ADGRB3: variants seen among roughly 807,000 people sequenced by gnomAD.
ADGRB3 encodes the protein adhesion G protein-coupled receptor B3.
Under a neutral mutation model 193.4 loss-of-function variants are expected in ADGRB3, and 37 were observed. That is an observed-to-expected ratio of 0.19 (90% CI 0.15 to 0.25). ADGRB3 has a LOEUF of 0.25. Among genes scored for constraint, ADGRB3 ranks in the 10% least tolerant of loss-of-function variants. ADGRB3 has a pLI of 1.00. For missense variants in ADGRB3, 1,637 were observed against 1,852.9 expected (o/e 0.88, Z 2.14); for synonymous variants, 690 against 644.2 (o/e 1.07, Z -1.08).
At position 69,215,453 on chromosome 6, in the gene ADGRB3, C is replaced by CGTGT. The variant is rs10651298; in HGVS notation, c.2481-17810_2481-17807dup. On this transcript the variant is annotated intron_variant, in intron 17 of 31. Transcript: ENST00000370598. ...GAAAAGATGACAAAATGAACAGAAA[C>CGTGT]GTGTGTGTGTGTGTGTGTGTGTGTG... Among the ~76,000 whole-genome samples, 369 of 146,690 alleles carry CGTGT rather than the reference C, an allele frequency of 2.5e-3. 3 individuals are homozygous for CGTGT. Among genetic ancestry groups the CGTGT allele is most frequent in the South Asian group, 3.6e-3 (16 of 4,436 alleles).
chr6:69,093,197 G>C (rs951741169), intron 17 of ADGRB3, among the ~76,000 whole-genome samples: 1 of 151,272 alleles, frequency 6.6e-6, no homozygotes, highest in African/African-American at 2.4e-5. Context: ...GGAGAGAAGG[G>C]TGGGCAAAAC....
At chr6:69,062,050 C>T (rs1010759123) in intron 15 of ADGRB3, among the ~76,000 whole-genome samples, 2 of 151,772 alleles carry the variant, frequency 1.3e-5, no homozygotes, top group Non-Finnish European at 1.5e-5. Context: ...TAGTACATGA[C>T]CGATGGAAGA....
intron 3 of ADGRB3, among the ~76,000 whole-genome samples, chr6:68,831,658 G>T (rs1767959349): frequency 6.6e-6 from 1 of 151,974 alleles, no homozygotes; most frequent in African/African-American, 2.4e-5. Context: ...AGGAGAGGTA[G>T]TAAGAAAACC....
At chr6:68,677,789 TAGAG>T (rs1415278980) in intron 3 of ADGRB3, among the ~76,000 whole-genome samples, 1 of 152,048 alleles carries the variant, frequency 6.6e-6, no homozygotes, top group African/African-American at 2.4e-5. Context: ...TAATTTTTCA[TAGAG>T]AGGGAGTTTC....
rs778148344 is a variant in ADGRB3 at position 69,048,251 on chromosome 6, G to A, written c.2174G>A (p.Arg725Gln). The part of the protein sequence containing the change: ...LTDINFPMKG[R>Q]KGMVDWARNS... ...GACATCAACTTTCCAATGAAAGGACGGAAGGGAATGGTTGACTGGGCAAGA... is the reference window on the plus strand; with the variant it reads ...GACATCAACTTTCCAATGAAAGGACAGAAGGGAATGGTTGACTGGGCAAGA... Residue 725 changes from arginine (R) to glutamine (Q), a missense_variant, in exon 14 of 32, where the codon CGG becomes CAG. Transcript: ENST00000370598. 5.0e-6 allele frequency: 8 copies of A among 1,613,502 alleles called. No individual in the cohort carries two copies. Among genetic ancestry groups the A allele is most frequent in the East Asian group, 2.2e-5 (1 of 44,798 alleles).
intron 3 of ADGRB3, among the ~76,000 whole-genome samples, chr6:68,653,570 AT>A (rs1181230745): frequency 1.3e-5 from 2 of 152,102 alleles, no homozygotes; most frequent in African/African-American, 4.8e-5. Context: ...ATCAAAAATG[AT>A]CTTGTTTTAG....
intron 6 of ADGRB3, 144 bp downstream of exon 6, chr6:68,944,138 G>A: frequency 1.2e-6 from 1 of 836,422 alleles, no homozygotes; most frequent in Non-Finnish European, 1.8e-6. Context: ...CTAAAACTGG[G>A]TACTTTTCTT....
intron 3 of ADGRB3, among the ~76,000 whole-genome samples, chr6:68,785,469 C>T (rs557343626): frequency 3.9e-4 from 60 of 151,908 alleles, no homozygotes; most frequent in African/African-American, 1.4e-3. Flanking sequence ...ATCCATGTCC[C>T]TACAAAGGAC....
chr6:69,142,820 C>T (rs551158828), intron 17 of ADGRB3, among the ~76,000 whole-genome samples: 101 of 152,198 alleles, frequency 6.6e-4, no homozygotes, highest in African/African-American at 2.4e-3. Context: ...TAGGTCTCTT[C>T]GTATGGGAGT....
chr6:69,185,478 C>T (rs1765047636), intron 17 of ADGRB3, among the ~76,000 whole-genome samples: 2 of 152,126 alleles, frequency 1.3e-5, no homozygotes, highest in South Asian at 2.1e-4. Flanking sequence ...CAGCACAGAA[C>T]AGAACATGGC....
chr6:69,177,507 C>T (rs1340695070), intron 17 of ADGRB3, among the ~76,000 whole-genome samples: 3 of 152,116 alleles, frequency 2.0e-5, no homozygotes, highest in Admixed American at 6.5e-5. Flanking sequence ...CAGGTGCCTG[C>T]CACCATGCCT....
chr6:68,808,197 A>G (rs948594652), intron 3 of ADGRB3, among the ~76,000 whole-genome samples: 3 of 152,206 alleles, frequency 2.0e-5, no homozygotes, highest in Non-Finnish European at 4.4e-5. Flanking sequence ...AAATGTTCCT[A>G]CACAATAGAT....
At chr6:68,750,326 T>C (rs1420876478) in intron 3 of ADGRB3, among the ~76,000 whole-genome samples, 1 of 152,170 alleles carries the variant, frequency 6.6e-6, no homozygotes, top group Non-Finnish European at 1.5e-5. Flanking sequence ...TTACAATCTA[T>C]GTGACTCGGG....
chr6:69,082,345 C>T (rs146445314), intron 17 of ADGRB3, among the ~76,000 whole-genome samples: 1 of 152,072 alleles, frequency 6.6e-6, no homozygotes, highest in African/African-American at 2.4e-5. Flanking sequence ...TCAATATCTC[C>T]ATTAGTTCTG....
intron 3 of ADGRB3, among the ~76,000 whole-genome samples, chr6:68,674,343 A>G (rs1769034045): frequency 6.6e-6 from 1 of 152,224 alleles, no homozygotes; most frequent in African/African-American, 2.4e-5. Context: ...TTGTAAGACA[A>G]TAGAAGGGAA....
At chr6:69,333,126 T>TGTCC (rs1768762817) in intron 24 of ADGRB3, 118 bp downstream of exon 24, 1 of 1,096,332 alleles carries the variant, frequency 9.1e-7, no homozygotes, top group Non-Finnish European at 1.3e-6. Context: ...TGTACTAGTG[T>TGTCC]GTCCAGTAGA....
chr6:68,743,027 C>T (rs908172401), intron 3 of ADGRB3, among the ~76,000 whole-genome samples: 2 of 152,072 alleles, frequency 1.3e-5, no homozygotes, highest in South Asian at 2.1e-4. Flanking sequence ...ACTAGGCATG[C>T]GTATACGTTT....
intron 13 of ADGRB3, among the ~76,000 whole-genome samples, chr6:69,041,950 A>C (rs1300228222): frequency 6.6e-6 from 1 of 152,094 alleles, no homozygotes. Context: ...CCCAAATCTC[A>C]TTTTGAACTG....
intron 6 of ADGRB3, among the ~76,000 whole-genome samples, chr6:68,949,521 G>A (rs147704497): frequency 2.0e-5 from 3 of 152,252 alleles, no homozygotes; most frequent in South Asian, 2.1e-4. Context: ...CAGCATCTAT[G>A]GGAGGATGCC....
Sources: gnomAD v4.1 joint callset for allele counts (sites outside exome capture counted in the v4.1 genomes callset) on GRCh38, gnomAD v4.1.1 for gene constraint, MANE v1.5 for transcripts, NCBI Gene and HGNC (gene_info 2026-07-23, HGNC 2026-07-21) for gene names.